The following NAA15 variants were observed in gnomAD, a reference collection of about 807,000 sequenced individuals.
NAA15 encodes N-alpha-acetyltransferase 15, NatA auxiliary subunit.
A neutral mutation model predicts 114.0 loss-of-function variants in NAA15; 34 were observed. The observed-to-expected ratio is 0.30, with a 90% CI of 0.23 to 0.40. The LOEUF (loss-of-function observed/expected upper bound fraction) is 0.40, where lower values mean the gene tolerates loss of function less well. Ranked by LOEUF, NAA15 falls within the 10% of genes least tolerant of loss-of-function variation. The probability of loss-of-function intolerance (pLI) is 1.00; values close to 1 mark genes in which losing one functional copy is unlikely to be tolerated. For missense variants in NAA15, 658 were observed against 1,004.5 expected (o/e 0.66, Z 4.66); for synonymous variants, 340 against 338.0 (o/e 1.01, Z -0.06).
chr4:139,322,012 C>G (rs1266817754), intron 1 of NAA15, among the ~76,000 whole-genome samples: 1 of 152,034 alleles, frequency 6.6e-6, no homozygotes, highest in East Asian at 1.9e-4. Context: ...TATTTAATGT[C>G]TGGATCCTCT....
chr4:139,364,916 C>T (rs1207330696), intron 14 of NAA15, among the ~76,000 whole-genome samples: 1 of 152,070 alleles, frequency 6.6e-6, no homozygotes, highest in Non-Finnish European at 1.5e-5. Flanking sequence ...ACCTTTCCCC[C>T]TTATGTCTTC....
chr4:139,387,830 C>T, intron 19 of NAA15, 54 bp from the exon 20 acceptor site: 1 of 1,392,950 alleles, frequency 7.2e-7, no homozygotes. Flanking sequence ...TAATAAATTC[C>T]CAGTAAGAAC....
intron 1 of NAA15, among the ~76,000 whole-genome samples, chr4:139,329,602 C>T (rs1195361017): frequency 6.6e-6 from 1 of 152,168 alleles, no homozygotes; most frequent in Non-Finnish European, 1.5e-5. Context: ...CTGAATTCTA[C>T]AGCTGTTCGT....
Position 139,357,467 on chromosome 4 carries a change from C to A in NAA15, c.1169C>A (p.Pro390Gln), listed in dbSNP as rs1213427359. ...CAACATTATGACAAAATTGGTCAGC[C>A]ATCTATTGCTTTGGAGTACATAAAT... The part of the protein sequence containing the change: ...LAQHYDKIGQ[P>Q]SIALEYINTA... Residue 390 changes from proline to glutamine, a missense_variant, in exon 11 of 20, where the codon CCA (proline) becomes CAA (glutamine). Around this residue, in one of 6 missense-constraint regions of NAA15, gnomAD observed 281 missense variants for 389.1 expected, o/e 0.72. Coordinates refer to ENST00000296543, the MANE Select transcript of NAA15 (RefSeq NM_057175.5). 1.2e-6 allele frequency: 2 copies of A among 1,613,550 alleles called. No individual in the cohort carries two copies. Among genetic ancestry groups the A allele is most frequent in the Non-Finnish European group, 1.7e-6 (2 of 1,179,680 alleles).
intron 7 of NAA15, among the ~76,000 whole-genome samples, chr4:139,349,921 G>T (rs902769029): frequency 2.6e-5 from 4 of 152,120 alleles, no homozygotes; most frequent in South Asian, 4.1e-4. Flanking sequence ...AGGAGGCAGA[G>T]GTTGCAGTGA....
intron 12 of NAA15, among the ~76,000 whole-genome samples, chr4:139,360,262 C>T (rs188386862): frequency 1.3e-5 from 2 of 152,192 alleles, no homozygotes; most frequent in Admixed American, 1.3e-4. Context: ...CAAAGTTTCA[C>T]AGTGTTGAAC....
intron 1 of NAA15, chr4:139,302,632 C>T (rs1241397040): frequency 6.6e-6 from 1 of 152,148 alleles, no homozygotes; most frequent in African/African-American, 2.4e-5. Context: ...CTAGACTTTT[C>T]TTATACACTG....
chr4:139,313,733 A>G (rs1027179010), intron 1 of NAA15, among the ~76,000 whole-genome samples: 1 of 151,632 alleles, frequency 6.6e-6, no homozygotes, highest in Non-Finnish European at 1.5e-5. Context: ...TAGTAGAGAC[A>G]GGGTTTCTCC....
chr4:139,301,853 A>G (rs935906976), intron 1 of NAA15, 22 bp downstream of exon 1: 6 of 1,578,682 alleles, frequency 3.8e-6, no homozygotes, highest in Non-Finnish European at 5.2e-6. Flanking sequence ...GCTCCGGGCA[A>G]GCGGTGGGGA....
chr4:139,340,438 A>G (rs1386377571), intron 3 of NAA15, among the ~76,000 whole-genome samples: 1 of 152,236 alleles, frequency 6.6e-6, no homozygotes. Flanking sequence ...GAATCTTGTT[A>G]GTTCAAGAAA....
intron 16 of NAA15, among the ~76,000 whole-genome samples, chr4:139,377,534 A>G (rs1579135876): frequency 1.4e-5 from 2 of 138,358 alleles, no homozygotes; most frequent in East Asian, 2.0e-4. Flanking sequence ...ATCAAACTCC[A>G]TCTCAAAAAA....
chr4:139,351,691 G>A, intron 9 of NAA15, 80 bp downstream of exon 9: 1 of 739,372 alleles, frequency 1.4e-6, no homozygotes, highest in Non-Finnish European at 2.4e-6. Context: ...GATTATCTCT[G>A]CACAGTAGTA....
intron 14 of NAA15, among the ~76,000 whole-genome samples, chr4:139,364,115 A>C (rs1294930409): frequency 6.6e-6 from 1 of 152,176 alleles, no homozygotes; most frequent in Non-Finnish European, 1.5e-5. Context: ...GGCTCAAGTG[A>C]TTCTCCTGCC....
At chr4:139,315,074 A>G (rs530023975) in intron 1 of NAA15, among the ~76,000 whole-genome samples, 2 of 136,230 alleles carry the variant, frequency 1.5e-5, no homozygotes, top group Admixed American at 1.5e-4. Flanking sequence ...AGTTTAGTTT[A>G]GTTTTTGAGA....
At chr4:139,376,020 C>T (rs542189407) in intron 15 of NAA15, among the ~76,000 whole-genome samples, 3 of 152,228 alleles carry the variant, frequency 2.0e-5, no homozygotes, top group Non-Finnish European at 4.4e-5. Context: ...TCTGTAGTCT[C>T]CTTTGTACTT....
intron 1 of NAA15, among the ~76,000 whole-genome samples, chr4:139,315,078 T>TAGGTTAG (rs1253703101): frequency 6.9e-6 from 1 of 144,894 alleles, no homozygotes; most frequent in African/African-American, 2.6e-5. Flanking sequence ...TAGTTTAGTT[T>TAGGTTAG]TTGAGACGGA....
At chr4:139,328,572 T>C (rs1257075788) in intron 1 of NAA15, among the ~76,000 whole-genome samples, 1 of 128,352 alleles carries the variant, frequency 7.8e-6, no homozygotes, top group Non-Finnish European at 1.7e-5. Context: ...TTCTTTCTTT[T>C]CTTTTTTTTT....
intron 15 of NAA15, among the ~76,000 whole-genome samples, chr4:139,371,738 C>T (rs1251454136): frequency 6.6e-6 from 1 of 152,090 alleles, no homozygotes. Context: ...GGGCATAGAA[C>T]TTAAACTTTA....
intron 15 of NAA15, among the ~76,000 whole-genome samples, chr4:139,375,787 A>G (rs907626437): frequency 1.3e-5 from 2 of 152,230 alleles, no homozygotes; most frequent in African/African-American, 2.4e-5. Flanking sequence ...TATAATTACT[A>G]TGACATTTAT....
Sources: allele counts gnomAD v4.1 joint callset (sites outside exome capture counted in the v4.1 genomes callset), GRCh38; gene constraint gnomAD v4.1.1; regional missense constraint gnomAD v4.1.1; transcripts MANE v1.5; gene names NCBI Gene and HGNC (gene_info 2026-07-23, HGNC 2026-07-21).